GID8: variants seen among roughly 807,000 people sequenced by gnomAD.
GID8 encodes the protein GID complex subunit 8 homolog.
GID8 carries 6 observed loss-of-function variants against 27.4 expected under a neutral mutation model. The observed-to-expected ratio is 0.22, with a 90% CI of 0.12 to 0.43. The LOEUF (loss-of-function observed/expected upper bound fraction) is 0.43, where lower values mean the gene tolerates loss of function less well. GID8 is among the 20% of genes least tolerant of loss of function. The pLI is 1.00. For missense variants in GID8, 173 were observed against 287.6 expected, an observed-to-expected ratio of 0.60 and a Z score of 2.88; for synonymous variants, 112 against 109.0, an observed-to-expected ratio of 1.03 and a Z score of -0.17.
rs2065473916 is a variant in GID8 at position 62,948,098 on chromosome 20, T to C, written c.*3186T>C. 1 of 152,236 alleles carries C rather than the reference T, an allele frequency of 6.6e-6. No homozygotes were observed. Among genetic ancestry groups the C allele is most frequent in the Admixed American group, 6.5e-5 (1 of 15,282 alleles). The allele number at this position is 152,236 out of a possible 1,614,324, so 9.4% of individuals were successfully genotyped here. On this transcript the variant is annotated 3_prime_UTR_variant, in exon 5 of 5. Transcript: ENST00000266069. ...ATGGAGAACGTTGCGTTGTTCACAATAGGGCCTCATGGGTGTAGCCGCATG... is the reference window on the plus strand; with the variant it reads ...ATGGAGAACGTTGCGTTGTTCACAACAGGGCCTCATGGGTGTAGCCGCATG...
Position 62,945,691 on chromosome 20 carries a change from G to A in GID8, c.*779G>A. 1.7e-6 allele frequency: 2 copies of A among 1,185,090 alleles called. No individual in the cohort carries two copies. The highest frequency in any genetic ancestry group is 1.2e-4 in the East Asian group (2 of 16,720). The allele number at this position is 1,185,090 out of a possible 1,614,324, so 73.4% of individuals were successfully genotyped here. ...CATCTCAAATGACCTTTTGTCTTTGGGGCGTTCTTCCCCCTGTGATAGCGG... is the reference window on the plus strand; with the variant it reads ...CATCTCAAATGACCTTTTGTCTTTGAGGCGTTCTTCCCCCTGTGATAGCGG... On this transcript the variant is annotated 3_prime_UTR_variant, in exon 5 of 5. Coordinates refer to ENST00000266069, the MANE Select transcript of GID8 (RefSeq NM_017896.3).
rs2065471474 is a variant in GID8, at chr20:62,947,503, T to C, written c.*2591T>C. 6.6e-6 allele frequency: 1 copy of C among 152,654 alleles called. No individual in the cohort carries two copies. Among genetic ancestry groups the C allele is most frequent in the Admixed American group, 6.5e-5 (1 of 15,286 alleles). The allele number at this position is 152,654 out of a possible 1,614,324, so 9.5% of individuals were successfully genotyped here. On this transcript the variant is annotated 3_prime_UTR_variant, in exon 5 of 5. Transcript: ENST00000266069. ...AGTTTATTCTTATTATACTTTCTGC[T>C]GGAGAGTGCCTTGAAATAAAATGTG...
At chr20:62,939,304 C>T (rs1374809061) in intron 1 of GID8, among the ~76,000 whole-genome samples, 2 of 152,050 alleles carry the variant, frequency 1.3e-5, no homozygotes, top group Non-Finnish European at 1.5e-5. Context: ...GCCACTTTCT[C>T]TGCTTTACCT....
chr20:62,943,460 G>A lies in GID8; in HGVS notation c.316-35G>A, dbSNP rs950912908. 8 of 1,594,816 alleles carry A rather than the reference G, an allele frequency of 5.0e-6. No individual in the cohort carries two copies. The highest frequency in any genetic ancestry group is 3.3e-5 in the Admixed American group (2 of 59,972). ...CCTGCCCTAAGTCCCTGGCCTGGGT[G>A]TGTGGGGGTCAAGCTTGTCTGTCTC... On this transcript the variant is annotated intron_variant, in intron 3 of 4. Coordinates refer to ENST00000266069, the MANE Select transcript of GID8 (RefSeq NM_017896.3). The surrounding 1 kb of genome is among the most constrained non-coding windows in gnomAD (Gnocchi z 4.7).
In GID8 at chr20:62,942,377, G is replaced by A. The variant is rs117898698; in HGVS notation, c.119-610G>A. On this transcript the variant is annotated intron_variant, in intron 2 of 4. Coordinates refer to ENST00000266069, the MANE Select transcript of GID8 (RefSeq NM_017896.3). ...TGAGGTGGGAGGATCACTTAAGCCC[G>A]GAAGGCGGAGGTTGCAGTGAGCCAA... Among the ~76,000 whole-genome samples the A allele has an allele frequency of 2.1e-3, 320 of 152,244 alleles. 6 individuals carry two copies. The East Asian group carries it at 0.04, about 19-fold the overall frequency.
At position 62,947,499 on chromosome 20, in the gene GID8, C is replaced by T. The variant is rs751156742; in HGVS notation, c.*2587C>T. The T allele has an allele frequency of 6.6e-6, 1 of 152,578 alleles. No individual in the cohort carries two copies. Among genetic ancestry groups the T allele is most frequent in the African/African-American group, 2.4e-5 (1 of 41,440 alleles). The allele number at this position is 152,578 out of a possible 1,614,324, so 9.5% of individuals were successfully genotyped here. A position where few individuals can be genotyped will look rare whatever the true frequency, so the allele number is the denominator to read the frequency against. On this transcript the variant is annotated 3_prime_UTR_variant, in exon 5 of 5. Coordinates refer to ENST00000266069, the MANE Select transcript of GID8 (RefSeq NM_017896.3). ...AAGTAGTTTATTCTTATTATACTTTCTGCTGGAGAGTGCCTTGAAATAAAA... is the reference window on the plus strand; with the variant it reads ...AAGTAGTTTATTCTTATTATACTTTTTGCTGGAGAGTGCCTTGAAATAAAA...
Position 62,943,350 on chromosome 20 carries a change from T to C in GID8, c.316-145T>C. 1 of 988,616 alleles carries C rather than the reference T, an allele frequency of 1.0e-6. No individual in the cohort carries two copies. The highest frequency in any genetic ancestry group is 1.5e-6 in the Non-Finnish European group (1 of 665,656). 61.2% of individuals were successfully genotyped at this position (988,616 alleles called of 1,614,324 possible). On this transcript the variant is annotated intron_variant, in intron 3 of 4. Transcript: ENST00000266069. The surrounding 1 kb of genome is among the most constrained non-coding windows in gnomAD (Gnocchi z 4.7). ...TTTATGTAGTTCAGAAGCGGTTTTT[T>C]GTTTTAAAAATGCAAATTTGATAAC... is the stretch of plus-strand genomic sequence containing the variant.
At chr20:62,942,631 G>A (rs1270987993) in intron 2 of GID8, among the ~76,000 whole-genome samples, 1 of 152,208 alleles carries the variant, frequency 6.6e-6, no homozygotes, top group Non-Finnish European at 1.5e-5. Flanking sequence ...GGCTGAGCCA[G>A]TGTGACTTGC....
rs142819857 is a variant in GID8, at chr20:62,941,366, C to T, written c.-12-125C>T. ...CATTCTCAGTCTGGTGGGTGTCCCA[C>T]GGCAGCGTTGTCTTTCCGTACATGC... On this transcript the variant is annotated intron_variant, in intron 1 of 4. Transcript: ENST00000266069. 115 of 624,242 alleles carry T rather than the reference C, an allele frequency of 1.8e-4. No individual in the cohort carries two copies. In the East Asian group the frequency reaches 2.7e-3, roughly 15 times the overall value. The allele number at this position is 624,242 out of a possible 1,614,324, so 38.7% of individuals were successfully genotyped here.
rs968001365 is a variant in GID8, at chr20:62,947,473, A to T, written c.*2561A>T. On this transcript the variant is annotated 3_prime_UTR_variant, in exon 5 of 5. Coordinates refer to ENST00000266069, the MANE Select transcript of GID8 (RefSeq NM_017896.3). The stretch of plus-strand genomic sequence containing the variant: ...TCTTTATAAAAATGGCACATTTTAC[A>T]AAGTAGTTTATTCTTATTATACTTT... The T allele has an allele frequency of 9.8e-5, 15 of 152,644 alleles. No homozygotes were observed. The highest frequency in any genetic ancestry group is 3.6e-4 in the African/African-American group (15 of 41,474). The allele number at this position is 152,644 out of a possible 1,614,324, so 9.5% of individuals were successfully genotyped here.
At position 62,947,167 on chromosome 20, in the gene GID8, T is replaced by G. The variant is rs1028863478; in HGVS notation, c.*2255T>G. The G allele has an allele frequency of 6.6e-6, 1 of 151,942 alleles. No individual in the cohort carries two copies. Among genetic ancestry groups the G allele is most frequent in the Non-Finnish European group, 1.5e-5 (1 of 67,968 alleles). The allele number at this position is 151,942 out of a possible 1,614,324, so 9.4% of individuals were successfully genotyped here. Reference sequence around the variant, plus strand: ...GAAGTCTCCAGCGTTACTGCTCTCCTTCCCTTCATGATAAGCCAGTGCCAG... The same window carrying G: ...GAAGTCTCCAGCGTTACTGCTCTCCGTCCCTTCATGATAAGCCAGTGCCAG... On this transcript the variant is annotated 3_prime_UTR_variant, in exon 5 of 5. Transcript: ENST00000266069.
In GID8 at chr20:62,943,836, C is replaced by CT. The variant is rs11300197; in HGVS notation, c.513+160dup. 144,674 of 502,418 alleles carry CT rather than the reference C, an allele frequency of 0.29. 11,021 individuals carry two copies. Among genetic ancestry groups the CT allele is most frequent in the Non-Finnish European group, 0.32 (92,185 of 283,864 alleles). The allele number at this position is 502,418 out of a possible 1,614,324, so 31.1% of individuals were successfully genotyped here. On this transcript the variant is annotated intron_variant, in intron 4 of 4. Transcript: ENST00000266069. This position sits in a 1 kb window ranked among gnomAD's most constrained non-coding sequence, Gnocchi z 4.7. The stretch of plus-strand genomic sequence containing the variant: ...GGGATGCTAAGTGGTTCCTTCATGG[C>CT]TTTTTTTTTTTTTTTTGGAGGTGAA...
At position 62,944,994 on chromosome 20, in the gene GID8, TA is replaced by T; in HGVS notation, c.*83del. 6.7e-7 allele frequency: 1 copy of T among 1,497,560 alleles called. No individual in the cohort carries two copies. The highest frequency in any genetic ancestry group is 8.9e-7 in the Non-Finnish European group (1 of 1,122,640). The allele number at this position is 1,497,560 out of a possible 1,614,324, so 92.8% of individuals were successfully genotyped here. Reference sequence around the variant, plus strand: ...GATCAGCCTGCGACTGCAAGATTCTTACTGCAGTAGAGAACTCTTTTTCTCC... The same window carrying T: ...GATCAGCCTGCGACTGCAAGATTCTTCTGCAGTAGAGAACTCTTTTTCTCC... On this transcript the variant is annotated 3_prime_UTR_variant, in exon 5 of 5. Coordinates refer to ENST00000266069, the MANE Select transcript of GID8 (RefSeq NM_017896.3).
chr20:62,945,200 C>T lies in GID8; in HGVS notation c.*288C>T. ...TCTTCCAGTGTTCGGGGGCCTCTGG[C>T]TGCTGAAGGATTCGGTCTACCACGG... On this transcript the variant is annotated 3_prime_UTR_variant, in exon 5 of 5. Transcript: ENST00000266069. 10 of 1,177,782 alleles carry T rather than the reference C, an allele frequency of 8.5e-6. No homozygotes were observed. Among genetic ancestry groups the T allele is most frequent in the Non-Finnish European group, 9.5e-6 (9 of 947,154 alleles). The allele number at this position is 1,177,782 out of a possible 1,614,324, so 73.0% of individuals were successfully genotyped here.
chr20:62,944,946 C>T lies in GID8; in HGVS notation c.*34C>T. On this transcript the variant is annotated 3_prime_UTR_variant, in exon 5 of 5. Coordinates refer to ENST00000266069, the MANE Select transcript of GID8 (RefSeq NM_017896.3). ...CTTGCGTGGTGGATCCAACACCAGC[C>T]CTGCGTCGTGGGACTTGCCTCAGAT... The T allele has an allele frequency of 1.3e-6, 2 of 1,581,730 alleles. No individual in the cohort carries two copies. Among genetic ancestry groups the T allele is most frequent in the Non-Finnish European group, 1.7e-6 (2 of 1,162,416 alleles).
intron 1 of GID8, among the ~76,000 whole-genome samples, chr20:62,939,738 T>C (rs892421215): frequency 3.5e-4 from 54 of 152,222 alleles, no homozygotes; most frequent in Non-Finnish European, 7.3e-5. Context: ...CGATGTTCTC[T>C]CTCGCTTGGG....
Position 62,943,274 on chromosome 20 carries a change from TTAA to T in GID8, c.315+96_315+98del, listed in dbSNP as rs1601071834. On this transcript the variant is annotated intron_variant, in intron 3 of 4. Coordinates refer to ENST00000266069, the MANE Select transcript of GID8 (RefSeq NM_017896.3). The surrounding 1 kb of genome is among the most constrained non-coding windows in gnomAD (Gnocchi z 4.7). ...TGAGAAATAACTAGGCTAATTTGCT[TTAA>T]TAATGTTATTTCAATGCATGTGAGG... 10 of 1,091,946 alleles carry T rather than the reference TTAA, an allele frequency of 9.2e-6. No individual in the cohort carries two copies. The highest frequency in any genetic ancestry group is 5.9e-5 in the South Asian group (4 of 67,882). 67.6% of individuals were successfully genotyped at this position (1,091,946 alleles called of 1,614,324 possible). A position where few individuals can be genotyped will look rare whatever the true frequency, so the allele number is the denominator to read the frequency against.
At chr20:62,939,349 C>A (rs781256574) in intron 1 of GID8, among the ~76,000 whole-genome samples, 3 of 151,926 alleles carry the variant, frequency 2.0e-5, no homozygotes, top group Non-Finnish European at 2.9e-5. Flanking sequence ...TGGCGATTCT[C>A]ATTCCCTATC....
rs949887397 is a variant in GID8, at chr20:62,943,264, C to T, written c.315+81C>T. On this transcript the variant is annotated intron_variant, in intron 3 of 4. Coordinates refer to ENST00000266069, the MANE Select transcript of GID8 (RefSeq NM_017896.3). The surrounding 1 kb of genome is among the most constrained non-coding windows in gnomAD (Gnocchi z 4.7). ...TTGCAATGATTGAGAAATAACTAGGCTAATTTGCTTTAATAATGTTATTTC... is the reference window on the plus strand; with the variant it reads ...TTGCAATGATTGAGAAATAACTAGGTTAATTTGCTTTAATAATGTTATTTC... 6.9e-6 allele frequency: 8 copies of T among 1,167,010 alleles called. No individual in the cohort carries two copies. Among genetic ancestry groups the T allele is most frequent in the Non-Finnish European group, 9.9e-6 (8 of 806,226 alleles). The allele number at this position is 1,167,010 out of a possible 1,614,324, so 72.3% of individuals were successfully genotyped here. A position where few individuals can be genotyped will look rare whatever the true frequency, so the allele number is the denominator to read the frequency against.
Sources: allele counts gnomAD v4.1 joint callset (sites outside exome capture counted in the v4.1 genomes callset), GRCh38; gene constraint gnomAD v4.1.1; non-coding constraint Gnocchi (gnomAD v3.1); transcripts MANE v1.5; gene names NCBI Gene and HGNC (gene_info 2026-07-23, HGNC 2026-07-21).